The following UBE3C variants were observed in gnomAD, a reference collection of about 807,000 sequenced individuals.
UBE3C encodes the protein ubiquitin-protein ligase E3C.
In UBE3C, 42 loss-of-function variants were observed where a neutral mutation model predicts 129.4. The ratio of observed to expected loss-of-function variants is 0.32; its 90% confidence interval spans 0.25 to 0.42. UBE3C has a LOEUF of 0.42. Among genes scored for constraint, UBE3C ranks in the 10% least tolerant of loss-of-function variants. The pLI is 1.00. For missense variants in UBE3C, 1,049 were observed against 1,319.1 expected (o/e 0.80, Z 3.17); for synonymous variants, 510 against 492.4 (o/e 1.04, Z -0.47).
intron 1 of UBE3C, 31 bp from the exon 2 acceptor site, chr7:157,163,779 C>T: frequency 6.2e-7 from 1 of 1,603,604 alleles, no homozygotes; most frequent in Non-Finnish European, 8.5e-7. Context: ...AAATTATAAC[C>T]TTACCTCCTT....
intron 18 of UBE3C, among the ~76,000 whole-genome samples, chr7:157,245,350 T>C (rs1361944579): frequency 6.6e-6 from 1 of 152,234 alleles, no homozygotes; most frequent in Non-Finnish European, 1.5e-5. Flanking sequence ...AAGTCCACTG[T>C]ACAAATGAGG....
At chr7:157,216,067 A>G (rs922475373) in intron 13 of UBE3C, among the ~76,000 whole-genome samples, 23 of 152,362 alleles carry the variant, frequency 1.5e-4, no homozygotes, top group African/African-American at 5.5e-4. Flanking sequence ...TGTCCAGGCC[A>G]GCCTGTTTGG....
At chr7:157,204,174 T>G (rs893092498) in intron 11 of UBE3C, among the ~76,000 whole-genome samples, 2 of 152,142 alleles carry the variant, frequency 1.3e-5, no homozygotes, top group Non-Finnish European at 2.9e-5. Flanking sequence ...TGTAAATGTC[T>G]CATATTTCCT....
intron 13 of UBE3C, among the ~76,000 whole-genome samples, chr7:157,210,461 T>TA (rs1215146130): frequency 1.3e-5 from 2 of 152,290 alleles, no homozygotes; most frequent in African/African-American, 2.4e-5. Context: ...TGTATGAACT[T>TA]ACACCTCTGT....
intron 1 of UBE3C, among the ~76,000 whole-genome samples, chr7:157,142,766 A>G (rs1807490107): frequency 6.6e-6 from 1 of 152,102 alleles, no homozygotes; most frequent in Admixed American, 6.6e-5. Flanking sequence ...GGGTAATGGG[A>G]TCATTCACAC....
In UBE3C at chr7:157,207,522, C is replaced by T. The variant is rs1455581038; in HGVS notation, c.1543C>T (p.His515Tyr). ...SLFSHSLISI[H>Y]DNEFFGDPIE... The stretch of plus-strand genomic sequence containing the variant: ...GTTTAGTCATTCACTAATTTCCATA[C>T]ATGATAACGAATTCTTCGGTGATCC... Residue 515 changes from histidine to tyrosine, a missense_variant, in exon 12 of 23, where the codon CAT becomes TAT. His to Tyr is a moderately conservative substitution (Grantham distance 83). Around this residue, in one of 4 missense-constraint regions of UBE3C, gnomAD observed 314 missense variants for 416.9 expected, o/e 0.75. Coordinates refer to ENST00000348165, the MANE Select transcript of UBE3C (RefSeq NM_014671.3). The T allele has an allele frequency of 6.2e-7, 1 of 1,613,002 alleles. No homozygotes were observed. The highest frequency in any genetic ancestry group is 1.1e-5 in the South Asian group (1 of 90,614).
At chr7:157,145,521 A>G (rs1807581446) in intron 1 of UBE3C, among the ~76,000 whole-genome samples, 1 of 152,180 alleles carries the variant, frequency 6.6e-6, no homozygotes, top group South Asian at 2.1e-4. Context: ...TCTTTTAAAA[A>G]AGAAAAAAGG....
At chr7:157,192,652 A>C in intron 10 of UBE3C, 1 of 767,076 alleles carries the variant, frequency 1.3e-6, no homozygotes, top group East Asian at 2.4e-5. Flanking sequence ...AAGAGAAAGA[A>C]GGGGAAGCTG....
chr7:157,200,708 C>A (rs146271756), intron 10 of UBE3C, among the ~76,000 whole-genome samples: 3 of 152,080 alleles, frequency 2.0e-5, no homozygotes, highest in African/African-American at 7.2e-5. Context: ...AATCTTGGCT[C>A]ACTGCAGCCT....
In UBE3C at chr7:157,186,955, T is replaced by G. The variant is rs1215692973; in HGVS notation, c.1265T>G (p.Phe422Cys). 6.2e-7 allele frequency: 1 copy of G among 1,613,672 alleles called. No individual in the cohort carries two copies. The highest frequency in any genetic ancestry group is 2.2e-5 in the East Asian group (1 of 44,854). Residue 422 changes from phenylalanine to cysteine, a missense_variant, in exon 10 of 23, where the codon TTC becomes TGC. By Grantham distance (205) the Phe-to-Cys change is radical. Coordinates refer to ENST00000348165, the MANE Select transcript of UBE3C (RefSeq NM_014671.3). ...AGGGACTCTGCGAGCGAGGAGGTCT[T>G]CACCACCATGGCCTCCGTCTGCCAC... ...VWRDSASEEVFTTMASVCHTL... is the reference protein window; with the variant it reads ...VWRDSASEEVCTTMASVCHTL...
intron 13 of UBE3C, among the ~76,000 whole-genome samples, chr7:157,215,890 T>C (rs1434247092): frequency 6.6e-6 from 1 of 152,262 alleles, no homozygotes; most frequent in Non-Finnish European, 1.5e-5. Context: ...TTTACAATTA[T>C]TGATCTCAAG....
intron 1 of UBE3C, among the ~76,000 whole-genome samples, chr7:157,159,748 C>T (rs76722121): frequency 0.014 from 2,063 of 152,182 alleles, 39 homozygotes; most frequent in African/African-American, 0.047. Flanking sequence ...ATGGTAATCC[C>T]GGCGGCGGAG....
intron 10 of UBE3C, chr7:157,192,873 AAAAAG>A: frequency 2.2e-6 from 2 of 905,468 alleles, no homozygotes; most frequent in African/African-American, 1.7e-5. Context: ...TAAAAAAAAA[AAAAAG>A]AAGGGATTAT....
At chr7:157,208,467 A>G (rs6943921) in intron 13 of UBE3C, among the ~76,000 whole-genome samples, 26,046 of 152,140 alleles carry the variant, frequency 0.17, 2,469 homozygotes, top group East Asian at 0.35. Context: ...TTTAATTTAC[A>G]TTTGCCTCAC....
intron 1 of UBE3C, among the ~76,000 whole-genome samples, chr7:157,141,459 T>C (rs1327486756): frequency 2.6e-5 from 4 of 152,182 alleles, no homozygotes; most frequent in Non-Finnish European, 5.9e-5. Context: ...ATAGCCAGTG[T>C]TGCCCACTGC....
chr7:157,215,992 T>C (rs1279026394), intron 13 of UBE3C, among the ~76,000 whole-genome samples: 1 of 152,218 alleles, frequency 6.6e-6, no homozygotes, highest in Non-Finnish European at 1.5e-5. Context: ...GGAACTGTTC[T>C]GAAAGAATAT....
At chr7:157,208,886 G>C (rs1809512831) in intron 13 of UBE3C, among the ~76,000 whole-genome samples, 1 of 152,226 alleles carries the variant, frequency 6.6e-6, no homozygotes, top group East Asian at 1.9e-4. Flanking sequence ...AAAGGAGTGA[G>C]AGCAGAAGAA....
chr7:157,175,125 G>A, intron 5 of UBE3C, 91 bp downstream of exon 5: 1 of 600,594 alleles, frequency 1.7e-6, no homozygotes, highest in East Asian at 4.9e-5. Flanking sequence ...CAGAGACAGT[G>A]GCTTTTCCAT....
At chr7:157,260,956 C>T (rs1020914043) in intron 22 of UBE3C, among the ~76,000 whole-genome samples, 1 of 152,100 alleles carries the variant, frequency 6.6e-6, no homozygotes, top group African/African-American at 2.4e-5. Context: ...GCTGCGTGAG[C>T]GTCGTAGGTT....
Sources: gnomAD v4.1 joint callset for allele counts (sites outside exome capture counted in the v4.1 genomes callset) on GRCh38, gnomAD v4.1.1 for gene constraint, gnomAD v4.1.1 regional missense constraint, MANE v1.5 for transcripts, NCBI Gene and HGNC (gene_info 2026-07-23, HGNC 2026-07-21) for gene names.